The following SOS1 variants were observed in gnomAD, a reference collection of about 807,000 sequenced individuals.
SOS1 encodes the protein son of sevenless homolog 1.
A neutral mutation model predicts 157.6 loss-of-function variants in SOS1; 25 were observed. The observed-to-expected ratio is 0.16, with a 90% CI of 0.12 to 0.22. The LOEUF is 0.22. SOS1 is among the 10% of genes least tolerant of loss of function. SOS1 has a pLI of 1.00. For synonymous variants in SOS1, 528 were observed against 534.0 expected, an observed-to-expected ratio of 0.99 and a Z score of 0.16; for missense variants, 1,237 against 1,599.1, an observed-to-expected ratio of 0.77 and a Z score of 3.86.
intron 1 of SOS1, among the ~76,000 whole-genome samples, chr2:39,074,658 A>C (rs1481272803): frequency 6.6e-6 from 1 of 152,184 alleles, no homozygotes; most frequent in East Asian, 1.9e-4. Flanking sequence ...ACCTGAGGTC[A>C]GGAGTTCAAG....
chr2:39,092,308 C>G (rs1052992880), intron 1 of SOS1, among the ~76,000 whole-genome samples: 1 of 152,046 alleles, frequency 6.6e-6, no homozygotes, highest in South Asian at 2.1e-4. Flanking sequence ...GTTTCTTGCG[C>G]ACCCCAAGCT....
At chr2:39,066,232 A>G (rs888520413) in intron 2 of SOS1, among the ~76,000 whole-genome samples, 2 of 152,260 alleles carry the variant, frequency 1.3e-5, no homozygotes, top group Admixed American at 6.5e-5. Flanking sequence ...AAGCACTGCC[A>G]TTACCAGTTT....
intron 21 of SOS1, among the ~76,000 whole-genome samples, chr2:38,988,327 A>C (rs1668613456): frequency 6.6e-6 from 1 of 152,188 alleles, no homozygotes; most frequent in African/African-American, 2.4e-5. Flanking sequence ...AAGTAAGTAA[A>C]GCTACTAATT....
chr2:39,016,695 A>G (rs1669643542), intron 10 of SOS1, among the ~76,000 whole-genome samples: 1 of 152,054 alleles, frequency 6.6e-6, no homozygotes, highest in Non-Finnish European at 1.5e-5. Context: ...TGTGTTCCAA[A>G]TTTAGGGTGC....
Position 39,013,941 on chromosome 2 carries a change from T to C in SOS1, c.1989A>G (p.Ile663Met), listed in dbSNP as rs587781172. The C allele has an allele frequency of 3.7e-6, 6 of 1,605,004 alleles. No individual in the cohort carries two copies. In the East Asian group the frequency reaches 1.3e-4, roughly 36 times the overall value. The change falls in exon 12 of 23, where the codon ATA becomes ATG. Residue 663 changes from isoleucine (I) to methionine (M), a missense_variant. By Grantham distance (10) the Ile-to-Met change is conservative. This residue lies in a region of SOS1 where 55 missense variants were observed against 43.1 expected (regional missense o/e 1.27). Transcript: ENST00000402219. ...CACTCAAGGGTTGATCTCCATTCTCTATAGCTATGCGATCAGCTTCTGTTG... is the reference window on the plus strand; with the variant it reads ...CACTCAAGGGTTGATCTCCATTCTCCATAGCTATGCGATCAGCTTCTGTTG... ...PEPTEADRIA[I>M]ENGDQPLSAE...
chr2:39,039,220 A>C (rs545969764), intron 6 of SOS1, among the ~76,000 whole-genome samples: 3 of 152,258 alleles, frequency 2.0e-5, no homozygotes, highest in African/African-American at 4.8e-5. Flanking sequence ...AAGCCAAAAA[A>C]ATAGTGACTT....
chr2:39,062,638 T>C (rs1572863837), intron 2 of SOS1, among the ~76,000 whole-genome samples: 1 of 142,578 alleles, frequency 7.0e-6, no homozygotes, highest in Non-Finnish European at 1.5e-5. Context: ...AAAAGAAAAA[T>C]GTATCACTGT....
At chr2:39,015,713 G>C (rs1669609947) in intron 10 of SOS1, among the ~76,000 whole-genome samples, 1 of 151,322 alleles carries the variant, frequency 6.6e-6, no homozygotes, top group African/African-American at 2.4e-5. Flanking sequence ...TCTGCATAAA[G>C]AGGGGGAAAG....
chr2:39,123,902 C>T (rs540098702), upstream of SOS1, among the ~76,000 whole-genome samples: 23 of 152,186 alleles, frequency 1.5e-4, no homozygotes, highest in Admixed American at 2.6e-4. Context: ...CTCTAAGATC[C>T]CCTTCAACTC....
chr2:39,093,053 C>A (rs1302620477), intron 1 of SOS1, among the ~76,000 whole-genome samples: 1 of 152,154 alleles, frequency 6.6e-6, no homozygotes, highest in Non-Finnish European at 1.5e-5. Flanking sequence ...GTCAAAAAAT[C>A]AGTTATTAAT....
chr2:39,113,787 C>CT (rs1673532299), intron 1 of SOS1, among the ~76,000 whole-genome samples: 1 of 152,180 alleles, frequency 6.6e-6, no homozygotes, highest in African/African-American at 2.4e-5. Flanking sequence ...CTCAAAGGCT[C>CT]TTAGTAAGTT....
At chr2:39,053,725 A>G (rs746177944) in intron 5 of SOS1, among the ~76,000 whole-genome samples, 15 of 151,982 alleles carry the variant, frequency 9.9e-5, no homozygotes, top group Non-Finnish European at 1.5e-4. Context: ...CTCATTCAAC[A>G]TTTCTTCAGG....
chr2:39,120,362 C>T lies in SOS1; in HGVS notation c.61G>A (p.Gly21Arg), dbSNP rs771423136. Reference protein sequence around the residue: ...FSEENAPKWRGLLVPALKKVQ... With the variant: ...FSEENAPKWRRLLVPALKKVQ... Reference sequence around the variant, plus strand: ...TTTTTCAGCGCAGGCACCAGTAGTCCCCGCCACTTGGGCGCGTTCTCTTCG... The same window carrying T: ...TTTTTCAGCGCAGGCACCAGTAGTCTCCGCCACTTGGGCGCGTTCTCTTCG... The change falls in exon 1 of 23, where the codon GGA (glycine) becomes AGA (arginine). Residue 21 changes from glycine to arginine, a missense_variant. Transcript: ENST00000402219. 3.1e-6 allele frequency: 5 copies of T among 1,596,618 alleles called. No individual in the cohort carries two copies. In the South Asian group the frequency reaches 3.4e-5, roughly 11 times the overall value.
At chr2:38,995,066 C>T (rs1668846692) in intron 20 of SOS1, 57 bp downstream of exon 20, 1 of 1,439,970 alleles carries the variant, frequency 6.9e-7, no homozygotes. Context: ...TCTTTTTTAC[C>T]TCTAGCATGT....
chr2:39,118,041 T>A (rs979323254), intron 1 of SOS1, among the ~76,000 whole-genome samples: 21 of 152,336 alleles, frequency 1.4e-4, no homozygotes, highest in Admixed American at 8.5e-4. Context: ...TAAGATATCA[T>A]CCCTGTTCTC....
intron 1 of SOS1, among the ~76,000 whole-genome samples, chr2:39,117,794 G>T (rs967999082): frequency 2.6e-5 from 4 of 152,134 alleles, no homozygotes; most frequent in African/African-American, 9.7e-5. Flanking sequence ...CATGTCAAAG[G>T]GAAATGAACA....
chr2:38,984,272 A>T lies in SOS1; in HGVS notation c.*1552T>A, dbSNP rs139679723. The T allele has an allele frequency of 2.1e-4, 32 of 152,264 alleles. No homozygotes were observed. The highest frequency in any genetic ancestry group is 1.9e-3 in the East Asian group (10 of 5,194). 9.4% of individuals were successfully genotyped at this position (152,264 alleles called of 1,614,324 possible). On this transcript the variant is annotated 3_prime_UTR_variant, in exon 23 of 23. Transcript: ENST00000402219. ...TTCACAGACATTATAGTGGAGATTA[A>T]TAAAATGTTTTCTCTTCAACAAGGT... is the stretch of plus-strand genomic sequence containing the variant.
chr2:39,085,092 T>C (rs900259410), intron 1 of SOS1, among the ~76,000 whole-genome samples: 3 of 152,198 alleles, frequency 2.0e-5, no homozygotes, highest in Admixed American at 6.5e-5. Flanking sequence ...TGTCATGAGG[T>C]TGGACTGCAG....
At chr2:39,067,124 A>C (rs970409) in intron 2 of SOS1, among the ~76,000 whole-genome samples, 142,152 of 152,234 alleles carry the variant, frequency 0.93, 66,478 homozygotes, top group African/African-American at 0.97. Context: ...GATCCTCCTG[A>C]CTCAGCGTCC....
Sources: allele counts gnomAD v4.1 joint callset (sites outside exome capture counted in the v4.1 genomes callset), GRCh38; gene constraint gnomAD v4.1.1; regional missense constraint gnomAD v4.1.1; transcripts MANE v1.5; gene names NCBI Gene and HGNC (gene_info 2026-07-23, HGNC 2026-07-21).